The following SCTR variants were observed in gnomAD, a reference collection of about 807,000 sequenced individuals.
SCTR encodes the protein secretin receptor, also known as pancreatic secretin receptor.
SCTR carries 56 observed loss-of-function variants against 60.8 expected under a neutral mutation model. That is an observed-to-expected ratio of 0.92 (90% CI 0.74 to 1.15). SCTR has a LOEUF of 1.15. Ranked by LOEUF, SCTR falls within the 50% of genes most tolerant of loss-of-function variation. The probability of loss-of-function intolerance (pLI) is 0.00; values close to 1 mark genes in which losing one functional copy is unlikely to be tolerated. For synonymous variants in SCTR, 202 were observed against 217.0 expected, an observed-to-expected ratio of 0.93 and a Z score of 0.61; for missense variants, 562 against 550.4, an observed-to-expected ratio of 1.02 and a Z score of -0.21.
intron 1 of SCTR, among the ~76,000 whole-genome samples, chr2:119,497,396 G>T (rs1268919990): frequency 6.6e-6 from 1 of 151,000 alleles, no homozygotes; most frequent in Non-Finnish European, 1.5e-5. Flanking sequence ...AAGATCCACA[G>T]TTCCATAACA....
intron 2 of SCTR, chr2:119,486,126 A>G (rs971468076): frequency 1.3e-5 from 2 of 152,168 alleles, no homozygotes; most frequent in African/African-American, 4.8e-5. Context: ...CGCAGGAGAA[A>G]CAGCTAAAGA....
chr2:119,455,211 G>A (rs1255198887), intron 7 of SCTR, among the ~76,000 whole-genome samples: 1 of 152,154 alleles, frequency 6.6e-6, no homozygotes, highest in Non-Finnish European at 1.5e-5. Flanking sequence ...ACTGCACGCT[G>A]GAGATGAAAG....
At chr2:119,493,130 T>G (rs952807962) in intron 2 of SCTR, among the ~76,000 whole-genome samples, 1 of 152,252 alleles carries the variant, frequency 6.6e-6, no homozygotes, top group African/African-American at 2.4e-5. Context: ...GTGCTGGGAT[T>G]ACAGGCGTGA....
intron 2 of SCTR, chr2:119,486,955 A>G (rs144004510): frequency 5.3e-5 from 8 of 152,290 alleles, no homozygotes; most frequent in African/African-American, 1.9e-4. Context: ...ATGTTAGAGA[A>G]AACTGCACTA....
At chr2:119,514,689 A>G (rs867683824) in intron 1 of SCTR, among the ~76,000 whole-genome samples, 1 of 152,146 alleles carries the variant, frequency 6.6e-6, no homozygotes, top group African/African-American at 2.4e-5. Flanking sequence ...CAGCCTGACC[A>G]ACATGGAGAA....
At chr2:119,472,353 G>C (rs1677060041) in intron 4 of SCTR, among the ~76,000 whole-genome samples, 1 of 152,206 alleles carries the variant, frequency 6.6e-6, no homozygotes, top group Admixed American at 6.5e-5. Flanking sequence ...GGAGGAAAGT[G>C]CTCTCCAGGC....
chr2:119,452,077 C>A lies in SCTR; in HGVS notation c.854G>T (p.Cys285Phe). 2 of 1,600,260 alleles carry A rather than the reference C, an allele frequency of 1.2e-6. No individual in the cohort carries two copies. The highest frequency in any genetic ancestry group is 1.7e-6 in the Non-Finnish European group (2 of 1,170,270). The part of the protein sequence containing the change: ...IARHFLEDVG[C>F]WDINANASIW... ...GGATGCGTTGGCATTGATGTCCCAGCACCTAAGGGAGGGACAGCTGGGCAT... is the reference window on the plus strand; with the variant it reads ...GGATGCGTTGGCATTGATGTCCCAGAACCTAAGGGAGGGACAGCTGGGCAT... Residue 285 changes from cysteine (C) to phenylalanine (F), a missense_variant and splice_region_variant, in exon 9 of 13, where the codon TGC becomes TTC. Cys to Phe is a radical substitution (Grantham distance 205, BLOSUM62 -2). Transcript: ENST00000019103.
chr2:119,454,107 C>G (rs562317230), intron 7 of SCTR, among the ~76,000 whole-genome samples: 1 of 152,212 alleles, frequency 6.6e-6, no homozygotes, highest in South Asian at 2.1e-4. Flanking sequence ...CACACAGAAG[C>G]CTGCCAGAGG....
intron 7 of SCTR, 73 bp downstream of exon 7, chr2:119,461,774 C>G: frequency 4.6e-6 from 6 of 1,300,214 alleles, no homozygotes; most frequent in Non-Finnish European, 6.3e-6. Context: ...AACTAAAAGC[C>G]GAACCCTCCG....
intron 7 of SCTR, among the ~76,000 whole-genome samples, chr2:119,461,098 A>T (rs977053424): frequency 5.3e-5 from 8 of 152,232 alleles, no homozygotes; most frequent in African/African-American, 1.7e-4. Flanking sequence ...CAACAGTGTG[A>T]CGCTGCTGGA....
intron 6 of SCTR, among the ~76,000 whole-genome samples, chr2:119,463,062 T>TACACAC (rs35496213): frequency 4.2e-4 from 62 of 148,400 alleles, no homozygotes; most frequent in African/African-American, 1.4e-3. Flanking sequence ...AGTCAGAAAA[T>TACACAC]ACACACACAC....
At chr2:119,487,209 G>T (rs1019509949) in intron 2 of SCTR, 7 of 152,238 alleles carry the variant, frequency 4.6e-5, no homozygotes, top group African/African-American at 1.7e-4. Context: ...GGGTAATGAA[G>T]ATATTTTGGA....
intron 7 of SCTR, among the ~76,000 whole-genome samples, chr2:119,457,443 G>A (rs1573815163): frequency 6.6e-6 from 1 of 152,202 alleles, no homozygotes; most frequent in South Asian, 2.1e-4. Flanking sequence ...CAGGCGCAAT[G>A]GCTCACAACT....
chr2:119,471,130 C>T (rs1050340692), intron 4 of SCTR, among the ~76,000 whole-genome samples: 1 of 152,182 alleles, frequency 6.6e-6, no homozygotes, highest in Non-Finnish European at 1.5e-5. Context: ...ATCAAAGAAT[C>T]CTGAAGCCCA....
chr2:119,508,572 G>A (rs2587667), intron 1 of SCTR, among the ~76,000 whole-genome samples: 8,664 of 151,448 alleles, frequency 0.057, 415 homozygotes, highest in African/African-American at 0.11. Flanking sequence ...TTTTTTGGTA[G>A]AGACAAGGTT....
chr2:119,505,114 C>T (rs1221391786), intron 1 of SCTR, among the ~76,000 whole-genome samples: 2 of 152,096 alleles, frequency 1.3e-5, no homozygotes, highest in Non-Finnish European at 2.9e-5. Context: ...TTGTGGAAGT[C>T]AGTGTGGCGA....
intron 8 of SCTR, among the ~76,000 whole-genome samples, chr2:119,452,554 C>T (rs981164874): frequency 6.6e-6 from 1 of 152,090 alleles, no homozygotes; most frequent in East Asian, 1.9e-4. Flanking sequence ...AAAAATGGAA[C>T]GTGTTAAAGG....
intron 5 of SCTR, among the ~76,000 whole-genome samples, chr2:119,465,420 C>T (rs1386580181): frequency 6.6e-6 from 1 of 152,204 alleles, no homozygotes; most frequent in East Asian, 1.9e-4. Context: ...TTGCCACTTA[C>T]ATGGGTCAGG....
intron 4 of SCTR, among the ~76,000 whole-genome samples, chr2:119,469,345 C>G (rs1295989505): frequency 2.0e-5 from 3 of 152,172 alleles, no homozygotes; most frequent in Non-Finnish European, 4.4e-5. Flanking sequence ...TGCACTGTCC[C>G]GTGGCTGTGG....
Sources: allele counts gnomAD v4.1 joint callset (sites outside exome capture counted in the v4.1 genomes callset), GRCh38; gene constraint gnomAD v4.1.1; transcripts MANE v1.5; gene names NCBI Gene and HGNC (gene_info 2026-07-23, HGNC 2026-07-21).